Variants in GON4L observed in about 807,000 individuals in gnomAD.
GON4L encodes gon-4 like, also known as GON-4-like protein.
In GON4L, 87 loss-of-function variants were observed where a neutral mutation model predicts 211.8. That is an observed-to-expected ratio of 0.41 (90% CI 0.35 to 0.49). The LOEUF is 0.49. Among genes scored for constraint, GON4L ranks in the 20% least tolerant of loss-of-function variants. GON4L has a pLI of 0.15. For synonymous variants in GON4L, 875 were observed against 962.6 expected (o/e 0.91, Z 1.68); for missense variants, 2,155 against 2,659.5 (o/e 0.81, Z 4.17).
chr1:155,845,418 T>G (rs1571927326), intron 2 of GON4L: 1 of 339,350 alleles, frequency 2.9e-6, no homozygotes, highest in East Asian at 9.4e-5. Context: ...CACCCCCAGG[T>G]ACTGCTCAAT....
chr1:155,745,467 G>A (rs1400594641), downstream of GON4L, among the ~76,000 whole-genome samples: 2 of 152,200 alleles, frequency 1.3e-5, no homozygotes, highest in African/African-American at 4.8e-5. Flanking sequence ...ATCAGCCAGC[G>A]GAGAGATCTG....
intron 24 of GON4L, 35 bp from the exon 25 acceptor site, chr1:155,758,069 T>C (rs1661377808): frequency 3.7e-6 from 1 of 268,470 alleles, no homozygotes; most frequent in Non-Finnish European, 6.8e-6. Context: ...AGAGGAGTCA[T>C]GATACAGCTA....
intron 10 of GON4L, among the ~76,000 whole-genome samples, chr1:155,809,969 TTATAAATTATATATATATATAATTATA>T (rs1557886042): frequency 9.7e-6 from 1 of 103,344 alleles, no homozygotes; most frequent in Non-Finnish European, 1.9e-5. Context: ...ACATATATAA[TTATAAATTATATATATATATAATTATA>T]TATATATATA....
chr1:155,850,078 A>T (rs1008505770), intron 2 of GON4L, among the ~76,000 whole-genome samples: 1 of 151,886 alleles, frequency 6.6e-6, no homozygotes, highest in Non-Finnish European at 1.5e-5. Context: ...ATGTCTAAAT[A>T]ATGAGAACTC....
At chr1:155,762,047 T>C in intron 23 of GON4L, 143 bp downstream of exon 23, 1 of 628,062 alleles carries the variant, frequency 1.6e-6, no homozygotes, top group East Asian at 2.8e-5. Flanking sequence ...GTCACAGAGA[T>C]CTTTTGCCAG....
intron 2 of GON4L, among the ~76,000 whole-genome samples, chr1:155,828,990 A>T (rs1310629431): frequency 6.6e-6 from 1 of 151,990 alleles, no homozygotes; most frequent in African/African-American, 2.4e-5. Context: ...TGTACTTTTT[A>T]TATTTCTGAA....
chr1:155,768,086 T>A (rs776806203), intron 19 of GON4L, among the ~76,000 whole-genome samples: 10 of 151,992 alleles, frequency 6.6e-5, no homozygotes, highest in Non-Finnish European at 1.5e-4. Flanking sequence ...GCAGATTACC[T>A]AAGGTCAGGA....
intron 1 of GON4L, among the ~76,000 whole-genome samples, chr1:155,856,322 G>A (rs924441062): frequency 2.0e-5 from 3 of 151,990 alleles, no homozygotes; most frequent in Non-Finnish European, 2.9e-5. Context: ...CAGACTCCTG[G>A]GCTCCAGTGA....
chr1:155,750,746 G>T lies in GON4L; in HGVS notation c.6577-13C>A. On this transcript the variant is annotated splice_polypyrimidine_tract_variant and intron_variant, in intron 31 of 31. Coordinates refer to ENST00000368331, the MANE Select transcript of GON4L (RefSeq NM_001282860.2). ...AACGGTGGGAAACCTAAGAAAGGAG[G>T]AGGGCTGTATTCACTGGTCTTTTTT... is the stretch of plus-strand genomic sequence containing the variant. The T allele has an allele frequency of 6.4e-7, 1 of 1,565,812 alleles. No individual in the cohort carries two copies. Among genetic ancestry groups the T allele is most frequent in the Non-Finnish European group, 8.7e-7 (1 of 1,155,368 alleles).
intron 11 of GON4L, among the ~76,000 whole-genome samples, chr1:155,800,726 C>A (rs1666568112): frequency 6.6e-6 from 1 of 151,694 alleles, no homozygotes; most frequent in Non-Finnish European, 1.5e-5. Flanking sequence ...GTAGCGCGTA[C>A]CTGTAGTCCC....
chr1:155,767,060 C>CA (rs1390459134), intron 20 of GON4L: 2 of 581,558 alleles, frequency 3.4e-6, no homozygotes, highest in Non-Finnish European at 5.9e-6. Flanking sequence ...AAAACAACAA[C>CA]AAAAAAAGAA....
chr1:155,808,601 T>C (rs918317667), intron 10 of GON4L, among the ~76,000 whole-genome samples: 5 of 152,174 alleles, frequency 3.3e-5, no homozygotes, highest in African/African-American at 1.2e-4. Context: ...TCAGTTTAAA[T>C]GCCATCTCCT....
At chr1:155,763,172 G>A (rs1662024341) in intron 22 of GON4L, 140 bp downstream of exon 22, 2 of 643,962 alleles carry the variant, frequency 3.1e-6, no homozygotes, top group African/African-American at 3.6e-5. Context: ...TGTTTTGGGG[G>A]AGGGGTGTTG....
chr1:155,842,836 CA>C (rs143073369), intron 2 of GON4L, among the ~76,000 whole-genome samples: 63 of 137,510 alleles, frequency 4.6e-4, no homozygotes, highest in South Asian at 6.9e-4. Flanking sequence ...GACTTCATCT[CA>C]AAAAAAAAAA....
intron 2 of GON4L, among the ~76,000 whole-genome samples, chr1:155,847,143 G>A (rs567732241): frequency 4.5e-4 from 68 of 152,182 alleles, no homozygotes; most frequent in Non-Finnish European, 8.2e-4. Context: ...GTTGAACACC[G>A]TGAGTTCGAA....
intron 2 of GON4L, 28 bp from the exon 3 acceptor site, chr1:155,827,056 A>G (rs1312219830): frequency 8.6e-6 from 13 of 1,506,748 alleles, no homozygotes; most frequent in African/African-American, 2.7e-5. Flanking sequence ...ATTGCTCCAC[A>G]CTTTGACCAT....
At chr1:155,770,995 T>A in intron 19 of GON4L, 72 bp downstream of exon 19, 1 of 1,602,904 alleles carries the variant, frequency 6.2e-7, no homozygotes, top group African/African-American at 1.3e-5. Flanking sequence ...CTCTTTTCTT[T>A]GAGAATAACA....
At chr1:155,762,641 T>C (rs544154144) in intron 22 of GON4L, among the ~76,000 whole-genome samples, 1 of 152,330 alleles carries the variant, frequency 6.6e-6, no homozygotes, top group South Asian at 2.1e-4. Flanking sequence ...GTGGCTTCTG[T>C]AGTGCTTTTG....
intron 10 of GON4L, among the ~76,000 whole-genome samples, chr1:155,812,977 A>G (rs1254689579): frequency 6.6e-6 from 1 of 152,230 alleles, no homozygotes; most frequent in Non-Finnish European, 1.5e-5. Flanking sequence ...ATCACACTCT[A>G]AAATGATTTA....
Sources: allele counts gnomAD v4.1 joint callset (sites outside exome capture counted in the v4.1 genomes callset), GRCh38; gene constraint gnomAD v4.1.1; transcripts MANE v1.5; gene names NCBI Gene and HGNC (gene_info 2026-07-23, HGNC 2026-07-21).